Variants in TBXAS1 observed in about 807,000 individuals in gnomAD.
The protein encoded by TBXAS1 is thromboxane A synthase 1, also known as thromboxane-A synthase.
In TBXAS1, 48 loss-of-function variants were observed where a neutral mutation model predicts 60.7. That is an observed-to-expected ratio of 0.79 (90% CI 0.63 to 1.01). TBXAS1 has a LOEUF of 1.01. Ranked by LOEUF, TBXAS1 falls within the 50% of genes least tolerant of loss-of-function variation. The probability of loss-of-function intolerance (pLI) is 0.00; values close to 1 mark genes in which losing one functional copy is unlikely to be tolerated. For synonymous variants in TBXAS1, 287 were observed against 269.7 expected (o/e 1.06, Z -0.63); for missense variants, 685 against 686.3 (o/e 1.00, Z 0.02).
chr7:139,792,077 C>T (rs1200988628), intron 4 of TBXAS1, among the ~76,000 whole-genome samples: 1 of 152,128 alleles, frequency 6.6e-6, no homozygotes, highest in African/African-American at 2.4e-5. Flanking sequence ...AGCAAGTTAT[C>T]TCCACATTAA....
At chr7:139,987,321 G>A (rs1812566908) in intron 9 of TBXAS1, among the ~76,000 whole-genome samples, 1 of 152,142 alleles carries the variant, frequency 6.6e-6, no homozygotes, top group Admixed American at 6.5e-5. Context: ...CAGGGTCCCG[G>A]GGAGACTAAA....
At chr7:139,817,973 C>T (rs894958220) in intron 4 of TBXAS1, among the ~76,000 whole-genome samples, 1 of 152,188 alleles carries the variant, frequency 6.6e-6, no homozygotes, top group Non-Finnish European at 1.5e-5. Flanking sequence ...GGCAGTAGTA[C>T]ATTCATTCAT....
chr7:139,953,405 TG>T lies in TBXAS1; in HGVS notation c.490del (p.Ala164LeufsTer3). 1 of 1,614,238 alleles carries T rather than the reference TG, an allele frequency of 6.2e-7. No homozygotes were observed. Among genetic ancestry groups the T allele is most frequent in the Non-Finnish European group, 8.5e-7 (1 of 1,180,036 alleles). Reference sequence around the variant, plus strand: ...ATCAGCCAAGCCTGCGACCTTCTCCTGGCTCATTTAAAACGCTATGCGGAAT... The same window carrying T: ...ATCAGCCAAGCCTGCGACCTTCTCCTGCTCATTTAAAACGCTATGCGGAAT... ...PLISQACDLL[L>X]AHLKRYAESG... On this transcript the variant is annotated frameshift_variant, in exon 6 of 13. Coordinates refer to ENST00000448866, the MANE Select transcript of TBXAS1 (RefSeq NM_001061.7). LOFTEE classifies it high-confidence loss of function.
At chr7:139,898,062 G>A (rs548589855) in intron 3 of TBXAS1, among the ~76,000 whole-genome samples, 5 of 152,282 alleles carry the variant, frequency 3.3e-5, no homozygotes, top group South Asian at 2.1e-4. Context: ...ATCCAGCCCC[G>A]GAGGAGCGCC....
At chr7:139,957,958 G>T (rs1810012275) in intron 8 of TBXAS1, among the ~76,000 whole-genome samples, 194 bp downstream of exon 8, 1 of 152,146 alleles carries the variant, frequency 6.6e-6, no homozygotes, top group Non-Finnish European at 1.5e-5. Context: ...GAAAGGGAGG[G>T]TGGGACGGCA....
chr7:139,827,499 G>C (rs777581854), upstream of TBXAS1, among the ~76,000 whole-genome samples: 2 of 151,734 alleles, frequency 1.3e-5, no homozygotes, highest in Non-Finnish European at 2.9e-5. Context: ...TGCATTCATC[G>C]GGCTCTTTGT....
chr7:139,809,244 TAGATA>T lies in TBXAS1; in HGVS notation c.-79-20067_-79-20063del, dbSNP rs1569493109. On this transcript the variant is annotated intron_variant, in intron 4 of 16. Coordinates refer to the TBXAS1 transcript ENST00000336425. ...GATAGATAGATAGATGATAGATAGA[TAGATA>T]GATAGATAGATAGATAGATAGAACC... Among the ~76,000 whole-genome samples, 516 of 60,170 alleles carry T rather than the reference TAGATA, an allele frequency of 8.6e-3. 5 individuals carry two copies. Among genetic ancestry groups the T allele is most frequent in the African/African-American group, 0.02 (462 of 22,568 alleles). The allele number at this position is 60,170 out of a possible 152,430, so 39.5% of individuals were successfully genotyped here. A position where few individuals can be genotyped will look rare whatever the true frequency, so the allele number is the denominator to read the frequency against.
At chr7:139,853,710 A>T (rs992481279) in intron 1 of TBXAS1, among the ~76,000 whole-genome samples, 3 of 152,080 alleles carry the variant, frequency 2.0e-5, no homozygotes, top group Admixed American at 1.3e-4. Context: ...TCCCTCTTTC[A>T]CCACAAGTCT....
chr7:139,877,302 G>C (rs1802314967), intron 3 of TBXAS1, among the ~76,000 whole-genome samples: 1 of 152,130 alleles, frequency 6.6e-6, no homozygotes, highest in South Asian at 2.1e-4. Context: ...TTGCTTTTTG[G>C]TGCATAGCTT....
At chr7:140,001,945 G>A (rs1813704094) in intron 9 of TBXAS1, among the ~76,000 whole-genome samples, 1 of 152,126 alleles carries the variant, frequency 6.6e-6, no homozygotes, top group African/African-American at 2.4e-5. Context: ...CCAAATGTGG[G>A]AGATGTGTGT....
In TBXAS1 at chr7:139,778,485, G is replaced by C. The variant is rs1796853613; in HGVS notation, c.-318+14G>C. The C allele has an allele frequency of 6.5e-6, 1 of 152,732 alleles. No individual in the cohort carries two copies. Among genetic ancestry groups the C allele is most frequent in the Non-Finnish European group, 1.5e-5 (1 of 68,244 alleles). The allele number at this position is 152,732 out of a possible 1,614,324, so 9.5% of individuals were successfully genotyped here. A position where few individuals can be genotyped will look rare whatever the true frequency, so the allele number is the denominator to read the frequency against. Reference sequence around the variant, plus strand: ...GCGCTCGCGGAGGTAGGAGTGGAATGAATGAATGAAGGAGTGGGCGCGCGC... The same window carrying C: ...GCGCTCGCGGAGGTAGGAGTGGAATCAATGAATGAAGGAGTGGGCGCGCGC... On this transcript the variant is annotated intron_variant, in intron 1 of 16. Transcript: ENST00000336425. The surrounding 1 kb of genome is among the most constrained non-coding windows in gnomAD (Gnocchi z 4.8).
chr7:140,012,066 G>A (rs1026524690), intron 10 of TBXAS1, among the ~76,000 whole-genome samples: 2 of 152,214 alleles, frequency 1.3e-5, no homozygotes, highest in African/African-American at 4.8e-5. Context: ...GTACAGACAG[G>A]AGCAGGAGTG....
rs1292195756 is a variant in TBXAS1 at position 139,904,997 on chromosome 7, C to CTTTTTCTTTCTTTCTT, written c.237-6227_237-6226insTTTTCTTTCTTTCTTT. 8.6e-5 allele frequency among the ~76,000 whole-genome samples: 8 copies of CTTTTTCTTTCTTTCTT among 93,132 alleles called. No homozygotes were observed. In the South Asian group the frequency reaches 1.2e-3, roughly 14 times the overall value. The allele number at this position is 93,132 out of a possible 152,430, so 61.1% of individuals were successfully genotyped here. On this transcript the variant is annotated intron_variant, in intron 3 of 12. Coordinates refer to ENST00000448866, the MANE Select transcript of TBXAS1 (RefSeq NM_001061.7). ...CCTTTCTTTCTCTTTCTCTCTTTCT[C>CTTTTTCTTTCTTTCTT]TCTTTCTCTCTTTCTTTCTTTCTTT...
chr7:140,005,036 G>C (rs1813960386), intron 9 of TBXAS1, among the ~76,000 whole-genome samples: 1 of 152,226 alleles, frequency 6.6e-6, no homozygotes, highest in African/African-American at 2.4e-5. Context: ...GGCAGAAAGG[G>C]GGAAGCCAGG....
intron 9 of TBXAS1, among the ~76,000 whole-genome samples, chr7:139,986,865 C>T (rs1366526150): frequency 1.3e-5 from 2 of 148,674 alleles, no homozygotes; most frequent in African/African-American, 5.0e-5. Flanking sequence ...GGGCTGGTTC[C>T]ACATTTTTGC....
At chr7:139,813,093 TAAAATAAAATA>T (rs1336961878) in intron 4 of TBXAS1, among the ~76,000 whole-genome samples, 2 of 135,994 alleles carry the variant, frequency 1.5e-5, no homozygotes, top group Non-Finnish European at 3.3e-5. Context: ...TAAAATAAAA[TAAAATAAAATA>T]AAATAAAATA....
chr7:139,951,952 A>AG (rs1207470801), intron 5 of TBXAS1, among the ~76,000 whole-genome samples: 35 of 66,188 alleles, frequency 5.3e-4, no homozygotes, highest in Non-Finnish European at 9.2e-4. Context: ...AAAGAAAGAA[A>AG]AGAAAGAAAG....
intron 5 of TBXAS1, among the ~76,000 whole-genome samples, chr7:139,939,387 A>G (rs1246795787): frequency 3.3e-5 from 5 of 151,384 alleles, no homozygotes; most frequent in Admixed American, 3.3e-4. Flanking sequence ...AAAAAAAAAA[A>G]AAAAAAAGCC....
intron 5 of TBXAS1, among the ~76,000 whole-genome samples, chr7:139,937,177 T>C (rs2117202166): frequency 1.3e-5 from 2 of 152,300 alleles, no homozygotes; most frequent in Middle Eastern, 6.8e-3. Flanking sequence ...ACTTGAGCCC[T>C]TATGATGTGA....
Sources: gnomAD v4.1 joint callset for allele counts (sites outside exome capture counted in the v4.1 genomes callset) on GRCh38, gnomAD v4.1.1 for gene constraint, Gnocchi (gnomAD v3.1) non-coding constraint, MANE v1.5 for transcripts, NCBI Gene and HGNC (gene_info 2026-07-23, HGNC 2026-07-21) for gene names.